Variants in DPP6 observed in about 807,000 individuals in gnomAD.
DPP6 encodes the protein dipeptidyl peptidase like 6.
A neutral mutation model predicts 122.6 loss-of-function variants in DPP6; 69 were observed. That is an observed-to-expected ratio of 0.56 (90% CI 0.46 to 0.69). The LOEUF (loss-of-function observed/expected upper bound fraction) is 0.69. Among genes scored for constraint, DPP6 ranks in the 30% least tolerant of loss-of-function variants. The pLI is 0.00. For missense variants in DPP6, 928 were observed against 1,116.9 expected (o/e 0.83, Z 2.41); for synonymous variants, 418 against 433.1 (o/e 0.97, Z 0.43).
Position 154,303,220 on chromosome 7 carries a change from A to G in DPP6, c.244-142994A>G, listed in dbSNP as rs376727151. Among the ~76,000 whole-genome samples the G allele has an allele frequency of 1.2e-4, 19 of 152,324 alleles. No homozygotes were observed. The South Asian group carries it at 3.9e-3, about 32-fold the overall frequency. ...GAGGTCCTGAGCAACTCTGAGGCTG[A>G]AACTGCGCTGGTCTACTTTAAGGCA... On this transcript the variant is annotated intron_variant, in intron 1 of 25. Coordinates refer to ENST00000377770, the MANE Select transcript of DPP6 (RefSeq NM_130797.4).
intron 8 of DPP6, among the ~76,000 whole-genome samples, chr7:154,738,373 C>T (rs1412505690): frequency 1.3e-5 from 2 of 152,178 alleles, no homozygotes; most frequent in Admixed American, 6.6e-5. Context: ...TACTGATTCC[C>T]ACCACCCTCC....
chr7:154,639,728 G>C (rs1481255141), intron 6 of DPP6, among the ~76,000 whole-genome samples: 3 of 152,164 alleles, frequency 2.0e-5, no homozygotes, highest in Non-Finnish European at 4.4e-5. Flanking sequence ...CTGCCTTATA[G>C]ATGACCCCAA....
At chr7:153,868,423 T>A in the DPP6 span, among the ~76,000 whole-genome samples, 2 of 152,230 alleles carry the variant, frequency 1.3e-5, no homozygotes, top group African/African-American at 4.8e-5. Flanking sequence ...TTCTAGATTT[T>A]CTAGTTTATT....
At chr7:154,466,785 C>T (rs772492876) in intron 2 of DPP6, among the ~76,000 whole-genome samples, 3 of 152,192 alleles carry the variant, frequency 2.0e-5, no homozygotes, top group Non-Finnish European at 4.4e-5. Flanking sequence ...GTTCTCTGAC[C>T]CGCAAAGATT....
At chr7:154,668,810 A>C (rs560808676) in intron 6 of DPP6, among the ~76,000 whole-genome samples, 7 of 152,276 alleles carry the variant, frequency 4.6e-5, no homozygotes, top group African/African-American at 1.7e-4. Context: ...TCAGTACATT[A>C]AGGATAAAAA....
rs866488072 is a variant in DPP6, at chr7:154,077,682, T to G, written c.243+24619T>G. Among the ~76,000 whole-genome samples the G allele has an allele frequency of 3.3e-3, 498 of 150,990 alleles. 3 individuals carry two copies. The highest frequency in any genetic ancestry group is 0.011 in the African/African-American group (457 of 41,404). ...TTTATTTATTATTATTATTATTTTT[T>G]TTTTTTTGAGACAGAGTCTCACTCT... On this transcript the variant is annotated intron_variant, in intron 1 of 25. Transcript: ENST00000377770.
intron 1 of DPP6, among the ~76,000 whole-genome samples, chr7:154,426,534 G>A (rs1446409823): frequency 6.6e-5 from 10 of 152,126 alleles, no homozygotes; most frequent in African/African-American, 2.2e-4. Context: ...CTTGTTGACC[G>A]TAGTGCTTTC....
chr7:154,239,818 C>CAAAAAAA (rs146860382), intron 1 of DPP6, among the ~76,000 whole-genome samples: 7 of 91,846 alleles, frequency 7.6e-5, no homozygotes, highest in African/African-American at 1.6e-4. Context: ...ACTAAAACTA[C>CAAAAAAA]AAAAAAAAAA....
intron 1 of DPP6, among the ~76,000 whole-genome samples, chr7:154,386,362 C>G (rs564418113): frequency 2.0e-5 from 3 of 151,766 alleles, no homozygotes; most frequent in African/African-American, 7.3e-5. Context: ...TCACTTGGAT[C>G]GAGAACATTC....
chr7:154,447,642 T>C (rs143824606), intron 2 of DPP6, among the ~76,000 whole-genome samples: 380 of 152,168 alleles, frequency 2.5e-3, no homozygotes, highest in Non-Finnish European at 4.3e-3. Flanking sequence ...AACATGCCAA[T>C]ACCCCTTATG....
intron 16 of DPP6, among the ~76,000 whole-genome samples, chr7:154,850,279 C>T (rs1802266573): frequency 6.6e-6 from 1 of 152,162 alleles, no homozygotes; most frequent in Non-Finnish European, 1.5e-5. Context: ...TGAGTGAGAA[C>T]ATACGATGTT....
intron 1 of DPP6, among the ~76,000 whole-genome samples, chr7:154,129,513 A>C (rs1808201008): frequency 6.6e-6 from 1 of 152,244 alleles, no homozygotes; most frequent in African/African-American, 2.4e-5. Flanking sequence ...CTGTAATGCC[A>C]GCACTTTGGC....
At chr7:153,980,532 G>A (rs1337586350) in intron 1 of DPP6, among the ~76,000 whole-genome samples, 4 of 151,580 alleles carry the variant, frequency 2.6e-5, no homozygotes, top group Non-Finnish European at 2.9e-5. Context: ...AGGGTTTTTT[G>A]TGTGTCTATC....
At chr7:154,006,892 A>G (rs1434476524) in intron 1 of DPP6, among the ~76,000 whole-genome samples, 1 of 152,256 alleles carries the variant, frequency 6.6e-6, no homozygotes, top group African/African-American at 2.4e-5. Flanking sequence ...TAAGAGTGGT[A>G]TAGCAGCTTG....
intron 1 of DPP6, among the ~76,000 whole-genome samples, chr7:153,959,214 C>T (rs1795225167): frequency 6.6e-6 from 1 of 151,814 alleles, no homozygotes; most frequent in Non-Finnish European, 1.5e-5. Flanking sequence ...GGGCTTCTGA[C>T]TTCAGCACCA....
intron 17 of DPP6, among the ~76,000 whole-genome samples, chr7:154,856,938 AT>A (rs1330635533): frequency 6.6e-6 from 1 of 152,212 alleles, no homozygotes; most frequent in Admixed American, 6.5e-5. Context: ...AGGTGACACC[AT>A]TGCGCTTGAT....
chr7:154,464,789 A>C (rs183462930), intron 2 of DPP6, among the ~76,000 whole-genome samples: 7 of 152,326 alleles, frequency 4.6e-5, no homozygotes, highest in African/African-American at 1.7e-4. Context: ...TCCTTGTTAC[A>C]GACAAAATGA....
intron 5 of DPP6, among the ~76,000 whole-genome samples, chr7:154,575,620 T>TGG (rs1831605149): frequency 1.2e-5 from 1 of 84,042 alleles, no homozygotes; most frequent in African/African-American, 5.3e-5. Context: ...TATGTGTGTG[T>TGG]GGTGTGTGTG....
At chr7:153,970,094 A>G (rs974723046) in intron 1 of DPP6, among the ~76,000 whole-genome samples, 1 of 152,234 alleles carries the variant, frequency 6.6e-6, no homozygotes, top group African/African-American at 2.4e-5. Flanking sequence ...GTTGATGGAC[A>G]TTTGGGTTGT....
Sources: allele counts gnomAD v4.1 joint callset (sites outside exome capture counted in the v4.1 genomes callset), GRCh38; gene constraint gnomAD v4.1.1; transcripts MANE v1.5; gene names NCBI Gene and HGNC (gene_info 2026-07-23, HGNC 2026-07-21).